The following DLG2 variants were observed in gnomAD, a reference collection of about 807,000 sequenced individuals.
The protein encoded by DLG2 is disks large homolog 2.
DLG2 carries 45 observed loss-of-function variants against 132.5 expected under a neutral mutation model. That is an observed-to-expected ratio of 0.34 (90% CI 0.27 to 0.44). The LOEUF (loss-of-function observed/expected upper bound fraction) is 0.44. Ranked by LOEUF, DLG2 falls within the 20% of genes least tolerant of loss-of-function variation. The pLI is 1.00. For missense variants in DLG2, 1,045 were observed against 1,196.9 expected (o/e 0.87, Z 1.87); for synonymous variants, 424 against 419.6 (o/e 1.01, Z -0.13).
chr11:84,482,496 G>A lies in DLG2; in HGVS notation c.519+52074C>T, dbSNP rs2099140434. 3.3e-5 allele frequency among the ~76,000 whole-genome samples: 5 copies of A among 152,300 alleles called. No individual in the cohort carries two copies. The South Asian group carries it at 1.0e-3, about 32-fold the overall frequency. Reference sequence around the variant, plus strand: ...TGTCAGTTAATAATAATAAAACCTTGAGCAAGCTCCTTAACTTTGTATTGC... The same window carrying A: ...TGTCAGTTAATAATAATAAAACCTTAAGCAAGCTCCTTAACTTTGTATTGC... On this transcript the variant is annotated intron_variant, in intron 7 of 27. Transcript: ENST00000376104.
chr11:84,955,662 G>T (rs1289370404), intron 6 of DLG2: 2 of 152,168 alleles, frequency 1.3e-5, no homozygotes, highest in Non-Finnish European at 2.9e-5. Flanking sequence ...AAGAATCACA[G>T]ATATAAATAT....
chr11:84,257,928 C>T (rs1298850792), intron 7 of DLG2, among the ~76,000 whole-genome samples: 1 of 152,086 alleles, frequency 6.6e-6, no homozygotes, highest in Non-Finnish European at 1.5e-5. Context: ...CTCAAGTGAT[C>T]CACCTGCCTC....
intron 6 of DLG2, among the ~76,000 whole-genome samples, chr11:85,064,343 G>T (rs1224342507): frequency 6.6e-6 from 1 of 151,732 alleles, no homozygotes; most frequent in African/African-American, 2.4e-5. Context: ...ACTATAAAAT[G>T]CACATTTGCC....
chr11:83,857,332 G>T (rs1057386863), intron 16 of DLG2, among the ~76,000 whole-genome samples: 2 of 152,094 alleles, frequency 1.3e-5, no homozygotes, highest in Non-Finnish European at 2.9e-5. Flanking sequence ...TTTTAAAATA[G>T]TTTTTTTCTA....
intron 15 of DLG2, among the ~76,000 whole-genome samples, chr11:83,880,541 T>C (rs10898166): frequency 0.3 from 45,794 of 151,882 alleles, 7,374 homozygotes; most frequent in East Asian, 0.48. Flanking sequence ...TCCCAGGGTA[T>C]AGGAAGAGTT....
At chr11:83,755,137 A>C (rs1288986044) in intron 18 of DLG2, among the ~76,000 whole-genome samples, 1 of 151,442 alleles carries the variant, frequency 6.6e-6, no homozygotes, top group Non-Finnish European at 1.5e-5. Flanking sequence ...GATTGTGTAA[A>C]TAAAATAATA....
At chr11:84,643,198 T>A (rs531489338) in intron 6 of DLG2, among the ~76,000 whole-genome samples, 1 of 152,294 alleles carries the variant, frequency 6.6e-6, no homozygotes, top group African/African-American at 2.4e-5. Context: ...GGGGGCAGGA[T>A]GCGAGGTGAT....
intron 17 of DLG2, among the ~76,000 whole-genome samples, chr11:83,826,057 C>A (rs986910543): frequency 6.6e-6 from 1 of 150,632 alleles, no homozygotes; most frequent in Non-Finnish European, 1.5e-5. Flanking sequence ...GCTGTGTTAA[C>A]AATTTTAGGC....
chr11:85,517,923 G>A (rs190354820), intron 3 of DLG2, among the ~76,000 whole-genome samples: 121 of 152,260 alleles, frequency 7.9e-4, no homozygotes, highest in Non-Finnish European at 1.2e-3. Context: ...TTATTATAAG[G>A]AGAGTTTCCC....
intron 6 of DLG2, among the ~76,000 whole-genome samples, chr11:84,966,568 C>A (rs1179898574): frequency 6.6e-6 from 1 of 152,060 alleles, no homozygotes; most frequent in Non-Finnish European, 1.5e-5. Flanking sequence ...GAGGCTCTGG[C>A]ATAGTCTTGG....
In DLG2 at chr11:84,247,260, A is replaced by G. The variant is rs536407808; in HGVS notation, c.573+3978T>C. On this transcript the variant is annotated intron_variant, in intron 8 of 27. Transcript: ENST00000376104. The stretch of plus-strand genomic sequence containing the variant: ...TCTGCTGAAAGGAGAGGAGAGCGCA[A>G]TGTCAGTTGGTTGCAGAGTACCAGA... 4.9e-4 allele frequency among the ~76,000 whole-genome samples: 75 copies of G among 152,264 alleles called. 1 individual carries two copies. Among genetic ancestry groups the G allele is most frequent in the Middle Eastern group, 3.4e-3 (1 of 294 alleles).
At chr11:83,596,867 T>C (rs973261619) in intron 19 of DLG2, among the ~76,000 whole-genome samples, 8 of 152,238 alleles carry the variant, frequency 5.3e-5, no homozygotes, top group Non-Finnish European at 1.2e-4. Context: ...TTTCTTCTTA[T>C]GAAAATACAT....
intron 6 of DLG2, among the ~76,000 whole-genome samples, chr11:84,862,369 G>A (rs2083844584): frequency 1.3e-5 from 2 of 150,924 alleles, no homozygotes; most frequent in Non-Finnish European, 2.9e-5. Context: ...TACACTGTTG[G>A]TGGGAGTGTA....
At chr11:83,670,779 A>G (rs550152797) in intron 18 of DLG2, among the ~76,000 whole-genome samples, 10 of 152,268 alleles carry the variant, frequency 6.6e-5, no homozygotes, top group African/African-American at 2.4e-4. Flanking sequence ...TCTCAGGCAA[A>G]TTTTTGGGCA....
intron 18 of DLG2, among the ~76,000 whole-genome samples, chr11:83,657,262 AC>A (rs1270739222): frequency 6.6e-6 from 1 of 151,264 alleles, no homozygotes; most frequent in African/African-American, 2.5e-5. Context: ...TCCCTAGCTC[AC>A]TAACCCCATC....
chr11:85,565,257 G>A (rs1257084179), intron 3 of DLG2, among the ~76,000 whole-genome samples: 1 of 151,982 alleles, frequency 6.6e-6, no homozygotes, highest in Non-Finnish European at 1.5e-5. Context: ...CCAGTGATGA[G>A]AAGTGATGAA....
At chr11:84,494,540 C>T (rs1471357295) in intron 7 of DLG2, among the ~76,000 whole-genome samples, 1 of 152,140 alleles carries the variant, frequency 6.6e-6, no homozygotes, top group Non-Finnish European at 1.5e-5. Flanking sequence ...AGAGTCAGGA[C>T]TATGTCAGGT....
intron 6 of DLG2, among the ~76,000 whole-genome samples, chr11:84,548,160 A>G (rs1026720728): frequency 1.3e-5 from 2 of 152,158 alleles, no homozygotes; most frequent in Admixed American, 1.3e-4. Context: ...CAGAAAGAAA[A>G]ACAGTAACAT....
intron 18 of DLG2, among the ~76,000 whole-genome samples, chr11:83,767,639 A>T (rs553607141): frequency 6.6e-6 from 1 of 152,330 alleles, no homozygotes; most frequent in South Asian, 2.1e-4. Flanking sequence ...TTCATCTCTG[A>T]AAAGGAAACA....
Sources: allele counts gnomAD v4.1 joint callset (sites outside exome capture counted in the v4.1 genomes callset), GRCh38; gene constraint gnomAD v4.1.1; transcripts MANE v1.5; gene names NCBI Gene and HGNC (gene_info 2026-07-23, HGNC 2026-07-21).